Variants in WDR59 observed in about 807,000 individuals in gnomAD.
WDR59 encodes the protein WD repeat domain 59, also known as GATOR2 complex protein WDR59.
A neutral mutation model predicts 131.2 loss-of-function variants in WDR59; 100 were observed. That is an observed-to-expected ratio of 0.76 (90% CI 0.65 to 0.90). The LOEUF is 0.90. Ranked by LOEUF, WDR59 falls within the 40% of genes least tolerant of loss-of-function variation. The pLI is 0.00. For missense variants in WDR59, 1,203 were observed against 1,262.2 expected, an observed-to-expected ratio of 0.95 and a Z score of 0.71; for synonymous variants, 601 against 466.2, an observed-to-expected ratio of 1.29 and a Z score of -3.72.
At position 74,905,838 on chromosome 16, in the gene WDR59, C is replaced by A. The variant is rs78486772; in HGVS notation, c.1713-1738G>T. On this transcript the variant is annotated intron_variant, in intron 17 of 25. Transcript: ENST00000262144. ...GCCACAGATGAAGAGAAAATCAATA[C>A]ATACATCTAGCAAAGAATTTGCAAC... Among the ~76,000 whole-genome samples the A allele has an allele frequency of 8.7e-4, 132 of 152,040 alleles. 4 individuals are homozygous for A. The East Asian group carries it at 0.024, about 28-fold the overall frequency.
chr16:74,879,908 G>A (rs1262163745), intron 25 of WDR59, among the ~76,000 whole-genome samples: 3 of 152,124 alleles, frequency 2.0e-5, no homozygotes, highest in Admixed American at 1.3e-4. Flanking sequence ...TGCTGGGGCT[G>A]GGTGTGGCAG....
intron 7 of WDR59, among the ~76,000 whole-genome samples, chr16:74,940,890 C>G (rs1020817508): frequency 6.6e-6 from 1 of 151,780 alleles, no homozygotes. Context: ...ATTTTTAGTA[C>G]AGACGGGGTT....
chr16:74,906,288 T>C (rs1309059155), intron 17 of WDR59, among the ~76,000 whole-genome samples: 2 of 65,274 alleles, frequency 3.1e-5, no homozygotes, highest in Non-Finnish European at 5.8e-5. Flanking sequence ...CACTCCAGCC[T>C]GAGCGACAGA....
At chr16:74,965,902 C>G (rs1329424018) in intron 1 of WDR59, 80 bp from the exon 2 acceptor site, 14 of 1,506,092 alleles carry the variant, frequency 9.3e-6, no homozygotes, top group Non-Finnish European at 6.5e-6. Context: ...GGCTCTTCCT[C>G]TTCCTGTCTC....
At chr16:74,980,141 G>A (rs936890299) in intron 1 of WDR59, among the ~76,000 whole-genome samples, 1 of 151,634 alleles carries the variant, frequency 6.6e-6, no homozygotes, top group Non-Finnish European at 1.5e-5. Context: ...TTATACGCGT[G>A]AGCCACCATG....
At chr16:74,957,611 T>C (rs2145165790) in intron 2 of WDR59, among the ~76,000 whole-genome samples, 1 of 152,282 alleles carries the variant, frequency 6.6e-6, no homozygotes, top group African/African-American at 2.4e-5. Context: ...GAAGTGCCAG[T>C]AATGTTTAAG....
At chr16:74,902,955 T>C (rs193136615) in intron 18 of WDR59, among the ~76,000 whole-genome samples, 2 of 151,838 alleles carry the variant, frequency 1.3e-5, no homozygotes, top group Admixed American at 1.3e-4. Context: ...TTCAACTAAA[T>C]GGTTTTGCTC....
At chr16:74,984,002 C>A (rs546198378) in intron 1 of WDR59, among the ~76,000 whole-genome samples, 53 of 152,090 alleles carry the variant, frequency 3.5e-4, no homozygotes, top group African/African-American at 1.3e-3. Context: ...ATAGGCCAGG[C>A]ACGGTGGCCC....
Position 74,985,072 on chromosome 16 carries a change from C to T in WDR59, c.-55G>A. The T allele has an allele frequency of 2.7e-6, 4 of 1,504,430 alleles. No homozygotes were observed. In the South Asian group the frequency reaches 3.6e-5, roughly 14 times the overall value. The allele number at this position is 1,504,430 out of a possible 1,614,324, so 93.2% of individuals were successfully genotyped here. A position where few individuals can be genotyped will look rare whatever the true frequency, so the allele number is the denominator to read the frequency against. On this transcript the variant is annotated 5_prime_UTR_variant, in exon 1 of 26. Transcript: ENST00000262144. ...ACGGCGCCCTCCCACCCCGCCGTCCCCAGTATCCCGGGACCGTGCGCCCCA... is the reference window on the plus strand; with the variant it reads ...ACGGCGCCCTCCCACCCCGCCGTCCTCAGTATCCCGGGACCGTGCGCCCCA...
chr16:74,884,887 T>C (rs2098743), intron 25 of WDR59, among the ~76,000 whole-genome samples: 101,603 of 152,022 alleles, frequency 0.67, 34,480 homozygotes, highest in East Asian at 0.97. Context: ...CTCAGCTCCT[T>C]GGAGGCCTTC....
chr16:74,971,426 C>CTTTT lies in WDR59; in HGVS notation c.55-5608_55-5605dup, dbSNP rs58120924. ...TCAGTTTTCCTTCCTTCTTTCCTTC[C>CTTTT]TTTTTTTTTTTTTTTTTTTTTTTTG... On this transcript the variant is annotated intron_variant, in intron 1 of 25. Coordinates refer to ENST00000262144, the MANE Select transcript of WDR59 (RefSeq NM_030581.4). 2.3e-3 allele frequency among the ~76,000 whole-genome samples: 207 copies of CTTTT among 90,180 alleles called. 1 individual carries two copies. Among genetic ancestry groups the CTTTT allele is most frequent in the African/African-American group, 2.6e-3 (54 of 20,980 alleles). The allele number at this position is 90,180 out of a possible 152,430, so 59.2% of individuals were successfully genotyped here.
chr16:74,983,180 A>C lies in WDR59; in HGVS notation c.54+1784T>G, dbSNP rs370966639. On this transcript the variant is annotated intron_variant, in intron 1 of 25. Coordinates refer to ENST00000262144, the MANE Select transcript of WDR59 (RefSeq NM_030581.4). ...CAACACAAAGAGACTCTGTCTCTAC[A>C]AAAAATAATAGGCCAGGTGTAGTGG... 1.5e-4 allele frequency among the ~76,000 whole-genome samples: 23 copies of C among 152,230 alleles called. 3 individuals are homozygous for C. Among genetic ancestry groups the C allele is most frequent in the South Asian group, 1.0e-3 (5 of 4,824 alleles).
intron 1 of WDR59, among the ~76,000 whole-genome samples, chr16:74,981,375 C>CAAA (rs71158563): frequency 9.6e-5 from 13 of 135,770 alleles, no homozygotes; most frequent in South Asian, 2.4e-4. Flanking sequence ...GACTCTGTCT[C>CAAA]AAAAAAAAAA....
chr16:74,943,240 CTTTT>C (rs3064646), intron 6 of WDR59, among the ~76,000 whole-genome samples: 3 of 146,594 alleles, frequency 2.0e-5, no homozygotes, highest in Admixed American at 6.8e-5. Flanking sequence ...TGCCTGCCCC[CTTTT>C]TTTTTTTTTT....
intron 10 of WDR59, among the ~76,000 whole-genome samples, chr16:74,919,223 G>C (rs2029908988): frequency 6.6e-6 from 1 of 152,010 alleles, no homozygotes; most frequent in African/African-American, 2.4e-5. Context: ...TCTACGCCTT[G>C]CCTTTGAGGG....
chr16:74,951,988 GT>G (rs556294906), intron 3 of WDR59, among the ~76,000 whole-genome samples: 77 of 142,690 alleles, frequency 5.4e-4, no homozygotes, highest in Non-Finnish European at 6.2e-4. Context: ...ACAGGTTTTT[GT>G]TTTTTTTTTT....
At chr16:74,956,747 T>C in intron 2 of WDR59, 137 bp from the exon 3 acceptor site, 1 of 1,103,318 alleles carries the variant, frequency 9.1e-7, no homozygotes, top group Non-Finnish European at 1.3e-6. Flanking sequence ...ATTTATTTAC[T>C]CTGAAAGGCA....
intron 10 of WDR59, among the ~76,000 whole-genome samples, chr16:74,920,593 G>T (rs2030115083): frequency 6.6e-6 from 1 of 152,112 alleles, no homozygotes; most frequent in Non-Finnish European, 1.5e-5. Flanking sequence ...CAGAGATGGG[G>T]TTTTGCCATG....
At chr16:74,977,878 TCAA>T (rs1597825619) in intron 1 of WDR59, among the ~76,000 whole-genome samples, 1 of 151,968 alleles carries the variant, frequency 6.6e-6, no homozygotes, top group Non-Finnish European at 1.5e-5. Context: ...ACAGATAGGC[TCAA>T]CAACAAGAAT....
Sources: allele counts gnomAD v4.1 joint callset (sites outside exome capture counted in the v4.1 genomes callset), GRCh38; gene constraint gnomAD v4.1.1; transcripts MANE v1.5; gene names NCBI Gene and HGNC (gene_info 2026-07-23, HGNC 2026-07-21).